The following PNPT1 variants were observed in gnomAD, a reference collection of about 807,000 sequenced individuals.
PNPT1 encodes polyribonucleotide nucleotidyltransferase 1, also known as polyribonucleotide nucleotidyltransferase 1, mitochondrial.
Under a neutral mutation model 119.5 loss-of-function variants are expected in PNPT1, and 53 were observed. The observed-to-expected ratio is 0.44, with a 90% CI of 0.36 to 0.56. PNPT1 has a LOEUF of 0.56. Ranked by LOEUF, PNPT1 falls within the 20% of genes least tolerant of loss-of-function variation. The pLI, the probability that PNPT1 is intolerant of heterozygous loss-of-function variation, is 0.00. For synonymous variants in PNPT1, 357 were observed against 322.1 expected, an observed-to-expected ratio of 1.11 and a Z score of -1.16; for missense variants, 948 against 938.5, an observed-to-expected ratio of 1.01 and a Z score of -0.13.
intron 8 of PNPT1, among the ~76,000 whole-genome samples, chr2:55,676,884 GATGACTAA>G (rs1697089463): frequency 6.6e-6 from 1 of 151,900 alleles, no homozygotes; most frequent in South Asian, 2.1e-4. Context: ...AAAAGATTTG[GATGACTAA>G]ATGACTAAAT....
At chr2:55,647,101 C>T (rs1338277351) in intron 19 of PNPT1, among the ~76,000 whole-genome samples, 1 of 152,102 alleles carries the variant, frequency 6.6e-6, no homozygotes, top group Admixed American at 6.6e-5. Flanking sequence ...GCATGAGTCA[C>T]TGTGCCTGGC....
Position 55,662,033 on chromosome 2 carries a change from AAG to A in PNPT1, c.1177-9_1177-8del. 6.4e-7 allele frequency: 1 copy of A among 1,554,152 alleles called. No homozygotes were observed. The highest frequency in any genetic ancestry group is 2.3e-5 in the East Asian group (1 of 43,258). ...ATGTAACGGTACAAAGCACCTAAAA[AAG>A]AAAAAGAATTCCTCAGGCTTTAATA... On this transcript the variant is annotated splice_region_variant and splice_polypyrimidine_tract_variant and intron_variant, in intron 13 of 27. Transcript: ENST00000447944.
chr2:55,674,267 TAGAA>T (rs553107619), intron 8 of PNPT1, among the ~76,000 whole-genome samples: 47 of 152,222 alleles, frequency 3.1e-4, no homozygotes, highest in African/African-American at 1.1e-3. Context: ...CGTGGACTGT[TAGAA>T]AGGAAAGAAA....
At chr2:55,646,888 G>T (rs952862098) in intron 19 of PNPT1, among the ~76,000 whole-genome samples, 28 of 152,018 alleles carry the variant, frequency 1.8e-4, no homozygotes, top group African/African-American at 6.8e-4. Context: ...GCCCAGGATG[G>T]AGTGCAGTGG....
At chr2:55,646,988 A>G (rs916718095) in intron 19 of PNPT1, among the ~76,000 whole-genome samples, 2 of 152,126 alleles carry the variant, frequency 1.3e-5, no homozygotes, top group African/African-American at 4.8e-5. Context: ...GGTGTGTGCC[A>G]CCATGCCCAG....
At chr2:55,664,616 T>C (rs918098264) in intron 13 of PNPT1, among the ~76,000 whole-genome samples, 5 of 151,564 alleles carry the variant, frequency 3.3e-5, no homozygotes, top group African/African-American at 1.2e-4. Flanking sequence ...AAGTAAAAAA[T>C]AGAGAAACAA....
intron 2 of PNPT1, among the ~76,000 whole-genome samples, chr2:55,687,049 C>T (rs1697429275): frequency 6.6e-6 from 1 of 152,062 alleles, no homozygotes; most frequent in African/African-American, 2.4e-5. Context: ...CTCGACTCTA[C>T]TAAAAATACA....
At chr2:55,691,335 CT>C (rs1697593266) in intron 1 of PNPT1, among the ~76,000 whole-genome samples, 1 of 152,096 alleles carries the variant, frequency 6.6e-6, no homozygotes, top group Non-Finnish European at 1.5e-5. Context: ...TGAAAAACAC[CT>C]ACAATAATTA....
chr2:55,675,590 C>A (rs988025091), intron 8 of PNPT1, among the ~76,000 whole-genome samples: 4 of 151,936 alleles, frequency 2.6e-5, no homozygotes, highest in Non-Finnish European at 5.9e-5. Context: ...CCCAGCTACT[C>A]AGGAGGCTGA....
chr2:55,666,437 G>C (rs1696735829), intron 13 of PNPT1, among the ~76,000 whole-genome samples: 2 of 152,170 alleles, frequency 1.3e-5, no homozygotes, highest in South Asian at 4.1e-4. Flanking sequence ...TCATTATCTT[G>C]CTGGTTTCTC....
Position 55,667,954 on chromosome 2 carries a change from T to C in PNPT1, c.981A>G (p.Lys327=), listed in dbSNP as rs1572819481. The C allele has an allele frequency of 1.9e-6, 3 of 1,577,418 alleles. No homozygotes were observed. Among genetic ancestry groups the C allele is most frequent in the Non-Finnish European group, 2.6e-6 (3 of 1,170,698 alleles). ...TTTCATATGGATCGGCTTCTGGAAA[T>C]TTTTCTATAGAAAAAAGACAAACCA... The part of the protein sequence containing the change: ...RLDTEEQLKE[K]FPEADPYEII... The change falls in exon 12 of 28, where the codon AAA becomes AAG. Residue 327 remains lysine, a synonymous_variant. Coordinates refer to ENST00000447944, the MANE Select transcript of PNPT1 (RefSeq NM_033109.5).
At chr2:55,640,736 AAAT>A (rs759293561) in intron 25 of PNPT1, 31 bp from the exon 26 acceptor site, 2 of 1,374,704 alleles carry the variant, frequency 1.5e-6, no homozygotes, top group Non-Finnish European at 2.1e-6. Context: ...AGCCTGGTTA[AAAT>A]AATAAGTATC....
chr2:55,671,454 GAACACAT>G, intron 10 of PNPT1, 78 bp from the exon 11 acceptor site: 1 of 844,436 alleles, frequency 1.2e-6, no homozygotes, highest in Non-Finnish European at 1.8e-6. Flanking sequence ...ATTATACAAT[GAACACAT>G]TGTGAATTAC....
intron 2 of PNPT1, 93 bp downstream of exon 2, chr2:55,687,552 A>T: frequency 2.2e-6 from 2 of 915,316 alleles, no homozygotes; most frequent in Non-Finnish European, 1.6e-6. Context: ...CAGTACCAAA[A>T]TTCTAAGTAG....
intron 8 of PNPT1, among the ~76,000 whole-genome samples, chr2:55,675,320 G>A (rs571145969): frequency 2.6e-5 from 4 of 152,070 alleles, no homozygotes; most frequent in Admixed American, 2.0e-4. Flanking sequence ...TGGGCATGGG[G>A]CTCATGCTTG....
rs139091915 is a variant in PNPT1 at position 55,672,907 on chromosome 2, C to G, written c.852G>C (p.Val284=). The G allele has an allele frequency of 3.2e-3, 5,178 of 1,599,990 alleles. 10 individuals carry two copies. The highest frequency in any genetic ancestry group is 3.6e-3 in the Non-Finnish European group (4,286 of 1,175,866). ...GATGTTCTTACTTATGAGTATATTT[C>G]ACAATCTCTGGCGAAGGGGTAAATA... ...QKLFTPSPEI[V]KYTHKLAMER... Residue 284 remains valine, a synonymous_variant, in exon 9 of 28, where the codon GTG becomes GTC. Transcript: ENST00000447944.
intron 18 of PNPT1, among the ~76,000 whole-genome samples, chr2:55,650,418 T>G (rs1559091275): frequency 6.6e-6 from 1 of 152,238 alleles, no homozygotes; most frequent in East Asian, 1.9e-4. Flanking sequence ...GTGCCGGGAT[T>G]GCAGACGGAG....
intron 18 of PNPT1, among the ~76,000 whole-genome samples, chr2:55,652,888 C>T (rs1470911183): frequency 6.6e-6 from 1 of 152,186 alleles, no homozygotes; most frequent in Non-Finnish European, 1.5e-5. Context: ...CACTCTGTTA[C>T]CCAGGCTGGA....
chr2:55,639,569 T>C (rs1695778646), intron 26 of PNPT1, among the ~76,000 whole-genome samples: 1 of 152,248 alleles, frequency 6.6e-6, no homozygotes, highest in Non-Finnish European at 1.5e-5. Context: ...GTTGGCTTTT[T>C]ATAAAAATAA....
Sources: gnomAD v4.1 joint callset for allele counts (sites outside exome capture counted in the v4.1 genomes callset) on GRCh38, gnomAD v4.1.1 for gene constraint, MANE v1.5 for transcripts, NCBI Gene and HGNC (gene_info 2026-07-23, HGNC 2026-07-21) for gene names.